Variants in SETD7 observed in about 807,000 individuals in gnomAD.
SETD7 encodes histone-lysine N-methyltransferase SETD7.
In SETD7, 16 loss-of-function variants were observed where a neutral mutation model predicts 41.8. That is an observed-to-expected ratio of 0.38 (90% confidence interval 0.26 to 0.58). SETD7 has a LOEUF of 0.58. SETD7 is among the 20% of genes least tolerant of loss of function. SETD7 has a pLI of 0.64. For synonymous variants in SETD7, 163 were observed against 169.7 expected, an observed-to-expected ratio of 0.96 and a Z score of 0.31; for missense variants, 346 against 459.7, an observed-to-expected ratio of 0.75 and a Z score of 2.26.
At chr4:139,500,501 T>C (rs4259013) in intron 7 of SETD7, among the ~76,000 whole-genome samples, 117,506 of 152,176 alleles carry the variant, frequency 0.77, 48,473 homozygotes, top group East Asian at 0.95. Context: ...AAGCTGGTGG[T>C]TTTTGTTTGT....
At chr4:139,547,124 G>T (rs1727981311) in intron 1 of SETD7, 75 bp from the exon 2 acceptor site, 1 of 1,563,018 alleles carries the variant, frequency 6.4e-7, no homozygotes, top group Non-Finnish European at 8.7e-7. Context: ...GCATTCAGAT[G>T]CTGCCAGACA....
At chr4:139,554,787 T>C (rs1728208635) in intron 1 of SETD7, among the ~76,000 whole-genome samples, 1 of 152,238 alleles carries the variant, frequency 6.6e-6, no homozygotes, top group African/African-American at 2.4e-5. Flanking sequence ...GTCTGCTTAA[T>C]CTCCCCTTAA....
At chr4:139,495,216 T>A (rs1474873240), downstream of SETD7, among the ~76,000 whole-genome samples, 1 of 152,220 alleles carries the variant, frequency 6.6e-6, no homozygotes, top group Non-Finnish European at 1.5e-5. Context: ...AGTCATTCAA[T>A]AAATTACAGC....
downstream of SETD7, among the ~76,000 whole-genome samples, chr4:139,495,551 T>C (rs1726438099): frequency 6.6e-6 from 1 of 152,178 alleles, no homozygotes; most frequent in Admixed American, 6.5e-5. Context: ...GGCATCTTCT[T>C]CACAAGGCGG....
downstream of SETD7, among the ~76,000 whole-genome samples, chr4:139,495,557 G>T (rs1726438219): frequency 6.6e-6 from 1 of 152,208 alleles, no homozygotes; most frequent in East Asian, 1.9e-4. Flanking sequence ...TTCTTCACAA[G>T]GCGGCAGGAG....
chr4:139,527,316 G>C (rs1018573688), intron 4 of SETD7, among the ~76,000 whole-genome samples: 1 of 152,216 alleles, frequency 6.6e-6, no homozygotes, highest in Non-Finnish European at 1.5e-5. Flanking sequence ...CACTATGAGA[G>C]TCCGAGGCAG....
chr4:139,496,373 T>C (rs1335710319), exon 8 of SETD7: 2 of 702,298 alleles, frequency 2.8e-6, no homozygotes, highest in Admixed American at 2.0e-5. Context: ...ACGAACATCA[T>C]TATGAGCATC....
downstream of SETD7, among the ~76,000 whole-genome samples, chr4:139,505,462 G>A (rs545886210): frequency 7.9e-5 from 12 of 152,196 alleles, no homozygotes; most frequent in East Asian, 7.7e-4. Flanking sequence ...GGTGGTAAGC[G>A]CCTGTAATCC....
intron 7 of SETD7, among the ~76,000 whole-genome samples, chr4:139,512,106 A>G (rs1726892394): frequency 6.6e-6 from 1 of 152,208 alleles, no homozygotes; most frequent in Non-Finnish European, 1.5e-5. Context: ...TTAAAGTTTG[A>G]AAAGCACTGC....
intron 2 of SETD7, among the ~76,000 whole-genome samples, chr4:139,538,279 A>G (rs1013559892): frequency 6.6e-6 from 1 of 152,216 alleles, no homozygotes; most frequent in Non-Finnish European, 1.5e-5. Context: ...TAAGATGCAG[A>G]AAGTAGAAAT....
downstream of SETD7, among the ~76,000 whole-genome samples, chr4:139,503,854 T>C (rs1726641858): frequency 6.6e-6 from 1 of 152,210 alleles, no homozygotes; most frequent in Non-Finnish European, 1.5e-5. Flanking sequence ...CAGATAATCA[T>C]AGTGCCCCTG....
rs1261225559 is a variant in SETD7, at chr4:139,509,720, T to C, written c.*1943A>G. The stretch of plus-strand genomic sequence containing the variant: ...TATCAGAATGCAAGTCCAGAGGCCC[T>C]GGCCCATCCGTCACAGTGTATAGAA... On this transcript the variant is annotated 3_prime_UTR_variant, in exon 8 of 8. Coordinates refer to ENST00000274031, the MANE Select transcript of SETD7 (RefSeq NM_030648.4). 3 of 985,448 alleles carry C rather than the reference T, an allele frequency of 3.0e-6. No individual in the cohort carries two copies. Among genetic ancestry groups the C allele is most frequent in the Non-Finnish European group, 3.6e-6 (3 of 830,024 alleles). The allele number at this position is 985,448 out of a possible 1,614,324, so 61.0% of individuals were successfully genotyped here.
At chr4:139,494,619 A>T (rs1726419879), downstream of SETD7, among the ~76,000 whole-genome samples, 1 of 152,230 alleles carries the variant, frequency 6.6e-6, no homozygotes. Context: ...GTATGGGAAA[A>T]GTATTAGAAT....
intron 1 of SETD7, among the ~76,000 whole-genome samples, chr4:139,549,488 G>A (rs959758630): frequency 3.2e-5 from 4 of 125,790 alleles, no homozygotes; most frequent in African/African-American, 1.2e-4. Flanking sequence ...CAACAAAAAT[G>A]TCAACTCCAC....
intron 1 of SETD7, among the ~76,000 whole-genome samples, chr4:139,551,809 G>C (rs2111179286): frequency 6.6e-6 from 1 of 152,112 alleles, no homozygotes; most frequent in East Asian, 1.9e-4. Context: ...TTGAGCCCAG[G>C]AGACCAGTCT....
At chr4:139,538,600 G>C (rs1247841296) in intron 2 of SETD7, among the ~76,000 whole-genome samples, 1 of 152,168 alleles carries the variant, frequency 6.6e-6, no homozygotes, top group Non-Finnish European at 1.5e-5. Context: ...TAGGATTACA[G>C]GTGTGAGCCA....
chr4:139,527,440 C>G (rs1426205349), intron 4 of SETD7, among the ~76,000 whole-genome samples: 1 of 152,152 alleles, frequency 6.6e-6, no homozygotes, highest in East Asian at 1.9e-4. Context: ...TGCCTGTAGT[C>G]TTAGCTACTG....
downstream of SETD7, among the ~76,000 whole-genome samples, chr4:139,504,820 C>A (rs1416613008): frequency 6.6e-6 from 1 of 152,204 alleles, no homozygotes; most frequent in Non-Finnish European, 1.5e-5. Flanking sequence ...AATCAATCAT[C>A]TTAACCCATG....
intron 7 of SETD7, among the ~76,000 whole-genome samples, chr4:139,516,596 A>G (rs1490521813): frequency 2.0e-5 from 3 of 152,080 alleles, no homozygotes; most frequent in African/African-American, 7.2e-5. Flanking sequence ...CTCCACACCA[A>G]TGGAGGTTTC....
Sources: gnomAD v4.1 joint callset for allele counts (sites outside exome capture counted in the v4.1 genomes callset) on GRCh38, gnomAD v4.1.1 for gene constraint, MANE v1.5 for transcripts, NCBI Gene and HGNC (gene_info 2026-07-23, HGNC 2026-07-21) for gene names.